The following RNF121 variants were observed in gnomAD, a reference collection of about 807,000 sequenced individuals.
RNF121 encodes ring finger protein 121.
RNF121 carries 21 observed loss-of-function variants against 46.5 expected under a neutral mutation model. The observed-to-expected ratio is 0.45, with a 90% CI of 0.32 to 0.65. RNF121 has a LOEUF of 0.65. Ranked by LOEUF, RNF121 falls within the 30% of genes least tolerant of loss-of-function variation. RNF121 has a pLI of 0.04. For missense variants in RNF121, 346 were observed against 416.0 expected (o/e 0.83, Z 1.46); for synonymous variants, 139 against 144.7 (o/e 0.96, Z 0.28).
In RNF121 at chr11:71,948,551, C is replaced by T. The variant is rs573394048; in HGVS notation, c.64-8676C>T. ...AAAAAAAAAAAAAAGCTTATCAACT[C>T]AGCTGGCCAGGAGGTTGTGCTTTCT... On this transcript the variant is annotated intron_variant, in intron 1 of 8. Transcript: ENST00000361756. Among the ~76,000 whole-genome samples, 11 of 142,220 alleles carry T rather than the reference C, an allele frequency of 7.7e-5. No homozygotes were observed. The South Asian group carries it at 2.2e-3, about 28-fold the overall frequency. The allele number at this position is 142,220 out of a possible 152,430, so 93.3% of individuals were successfully genotyped here. A position where few individuals can be genotyped will look rare whatever the true frequency, so the allele number is the denominator to read the frequency against.
In RNF121 at chr11:71,976,223, C is replaced by T. The variant is rs529702646; in HGVS notation, c.244-6538C>T. Among the ~76,000 whole-genome samples, 74 of 152,074 alleles carry T rather than the reference C, an allele frequency of 4.9e-4. 1 individual carries two copies. The highest frequency in any genetic ancestry group is 8.3e-4 in the South Asian group (4 of 4,822). On this transcript the variant is annotated intron_variant, in intron 3 of 8. Transcript: ENST00000361756. Reference sequence around the variant, plus strand: ...TCTCTTATGGCCTGCTGTCTTATGGCCATGCTTATTTGTTAGTGTTCTTTG... The same window carrying T: ...TCTCTTATGGCCTGCTGTCTTATGGTCATGCTTATTTGTTAGTGTTCTTTG...
Position 71,987,005 on chromosome 11 carries a change from T to A in RNF121, c.400T>A (p.Leu134Met). Residue 134 changes from leucine (L) to methionine (M), a missense_variant and splice_region_variant, in exon 5 of 9, where the codon TTG becomes ATG. Leu to Met is a conservative substitution (Grantham distance 15). Transcript: ENST00000361756. Reference protein sequence around the residue: ...RKPLVQTTPRLVYKWFLLIYK... With the variant: ...RKPLVQTTPRMVYKWFLLIYK... ...ACTAACCTTCTCTCCTTTCCCCAGG[T>A]TGGTTTATAAGTGGTTCCTGCTAAT... is the stretch of plus-strand genomic sequence containing the variant. 3.1e-6 allele frequency: 5 copies of A among 1,590,516 alleles called. No individual in the cohort carries two copies. Among genetic ancestry groups the A allele is most frequent in the Non-Finnish European group, 4.3e-6 (5 of 1,158,626 alleles).
At chr11:71,985,160 C>T (rs1954748636) in intron 4 of RNF121, among the ~76,000 whole-genome samples, 1 of 152,112 alleles carries the variant, frequency 6.6e-6, no homozygotes, top group Non-Finnish European at 1.5e-5. Context: ...CTCCTGAGCT[C>T]AAAGAATCCT....
intron 3 of RNF121, among the ~76,000 whole-genome samples, chr11:71,979,205 G>A (rs1048061753): frequency 1.3e-5 from 2 of 152,162 alleles, no homozygotes; most frequent in African/African-American, 4.8e-5. Flanking sequence ...TAGAAACTTA[G>A]CCTGTTAGAA....
intron 1 of RNF121, among the ~76,000 whole-genome samples, chr11:71,954,498 C>A (rs1367842670): frequency 6.6e-6 from 1 of 152,182 alleles, no homozygotes; most frequent in African/African-American, 2.4e-5. Flanking sequence ...CTGGCCTCTT[C>A]TAGTAGTTTT....
intron 1 of RNF121, chr11:71,939,323 G>A (rs886167722): frequency 6.0e-6 from 1 of 165,726 alleles, no homozygotes; most frequent in South Asian, 1.3e-4. Flanking sequence ...CACACTTACT[G>A]ACTCCACAGT....
intron 1 of RNF121, among the ~76,000 whole-genome samples, chr11:71,943,617 G>T (rs2134156268): frequency 6.6e-6 from 1 of 152,340 alleles, no homozygotes; most frequent in East Asian, 1.9e-4. Context: ...TTGCTCTCAG[G>T]TTGCTCATGG....
chr11:71,955,473 A>G (rs1953970290), intron 1 of RNF121, among the ~76,000 whole-genome samples: 1 of 152,300 alleles, frequency 6.6e-6, no homozygotes, highest in East Asian at 1.9e-4. Flanking sequence ...AGAAATATCC[A>G]TGCTGGAGAA....
intron 1 of RNF121, among the ~76,000 whole-genome samples, chr11:71,936,094 A>C (rs896917806): frequency 6.6e-6 from 1 of 151,714 alleles, no homozygotes; most frequent in African/African-American, 2.4e-5. Flanking sequence ...TGATCTGCCC[A>C]CCTTGGCCTC....
At chr11:71,974,511 A>G (rs1332090454) in intron 3 of RNF121, among the ~76,000 whole-genome samples, 4 of 152,160 alleles carry the variant, frequency 2.6e-5, no homozygotes, top group African/African-American at 9.7e-5. Context: ...CAGTTTTCAG[A>G]TTAGTAAACC....
chr11:71,977,807 C>T (rs1460960195), intron 3 of RNF121, among the ~76,000 whole-genome samples: 1 of 152,180 alleles, frequency 6.6e-6, no homozygotes, highest in Non-Finnish European at 1.5e-5. Flanking sequence ...TTTGTACTGG[C>T]CACCTAATTC....
At chr11:71,984,202 C>T (rs1340510617) in intron 4 of RNF121, among the ~76,000 whole-genome samples, 2 of 152,228 alleles carry the variant, frequency 1.3e-5, no homozygotes, top group Admixed American at 6.5e-5. Flanking sequence ...TCACCAAGGA[C>T]ACCACAAACA....
intron 1 of RNF121, among the ~76,000 whole-genome samples, chr11:71,948,288 G>C (rs558607420): frequency 6.6e-6 from 1 of 152,228 alleles, no homozygotes; most frequent in Admixed American, 6.5e-5. Flanking sequence ...GGCCGAGGCA[G>C]TTGGATAACT....
intron 1 of RNF121, among the ~76,000 whole-genome samples, chr11:71,938,263 C>T (rs1319582035): frequency 2.0e-5 from 3 of 149,968 alleles, no homozygotes; most frequent in East Asian, 1.9e-4. Context: ...TTTTTTAGTG[C>T]GTACTATGTG....
At chr11:71,985,548 A>T (rs568150055) in intron 4 of RNF121, among the ~76,000 whole-genome samples, 4 of 152,258 alleles carry the variant, frequency 2.6e-5, no homozygotes, top group Non-Finnish European at 5.9e-5. Context: ...TAGAAGGAAG[A>T]TATTTGGGAC....
At chr11:71,978,017 A>C (rs1954565362) in intron 3 of RNF121, 1 of 289,174 alleles carries the variant, frequency 3.5e-6, no homozygotes, top group Non-Finnish European at 6.9e-6. Context: ...AAACATATTT[A>C]CCAAGCAAAA....
rs1954457101 is a variant in RNF121, at chr11:71,973,203, G to A, written c.244-9558G>A. Among the ~76,000 whole-genome samples the A allele has an allele frequency of 3.9e-5, 6 of 151,978 alleles. No homozygotes were observed. In the South Asian group the frequency reaches 1.2e-3, roughly 32 times the overall value. ...CTCCATCTCAAAAAAAAAAAAGAGG[G>A]AAATGTAGGCTGGGCATAGTGGCTC... On this transcript the variant is annotated intron_variant, in intron 3 of 8. Transcript: ENST00000361756.
At chr11:71,941,472 G>T (rs1246081821) in intron 1 of RNF121, among the ~76,000 whole-genome samples, 2 of 152,170 alleles carry the variant, frequency 1.3e-5, no homozygotes, top group African/African-American at 2.4e-5. Flanking sequence ...CAGTAATTCA[G>T]CAGTGAACAA....
intron 1 of RNF121, among the ~76,000 whole-genome samples, chr11:71,934,383 G>A (rs995691488): frequency 3.3e-5 from 5 of 152,312 alleles, no homozygotes; most frequent in East Asian, 1.9e-4. Flanking sequence ...GGGTGCAGTG[G>A]GCACATCAAG....
Sources: gnomAD v4.1 joint callset for allele counts (sites outside exome capture counted in the v4.1 genomes callset) on GRCh38, gnomAD v4.1.1 for gene constraint, MANE v1.5 for transcripts, NCBI Gene and HGNC (gene_info 2026-07-23, HGNC 2026-07-21) for gene names.